RYR2: variants seen among roughly 807,000 people sequenced by gnomAD.
RYR2 encodes cardiac muscle ryanodine receptor-calcium release channel.
In RYR2, 227 loss-of-function variants were observed where a neutral mutation model predicts 601.1. The ratio of observed to expected loss-of-function variants is 0.38; its 90% confidence interval spans 0.34 to 0.42. The LOEUF (loss-of-function observed/expected upper bound fraction) is 0.42. Ranked by LOEUF, RYR2 falls within the 10% of genes least tolerant of loss-of-function variation. The pLI is 1.00. For synonymous variants in RYR2, 2,223 were observed against 2,175.1 expected, an observed-to-expected ratio of 1.02 and a Z score of -0.61; for missense variants, 4,646 against 6,156.5, an observed-to-expected ratio of 0.75 and a Z score of 8.21.
At chr1:237,709,880 A>G (rs571799177) in intron 70 of RYR2, among the ~76,000 whole-genome samples, 1 of 152,302 alleles carries the variant, frequency 6.6e-6, no homozygotes, top group Admixed American at 6.5e-5. Flanking sequence ...TGCAGTTCTC[A>G]GTTTGAGACG....
At chr1:237,745,317 A>G (rs12095647) in intron 80 of RYR2, among the ~76,000 whole-genome samples, 208 of 152,310 alleles carry the variant, frequency 1.4e-3, no homozygotes, top group African/African-American at 4.7e-3. Context: ...AGAATTTGGT[A>G]GATTTTGATT....
At chr1:237,654,048 G>A (rs936943782) in intron 51 of RYR2, among the ~76,000 whole-genome samples, 2 of 152,026 alleles carry the variant, frequency 1.3e-5, no homozygotes, top group Middle Eastern at 3.2e-3. Flanking sequence ...ACACACCCAG[G>A]AACAATACTT....
chr1:237,127,270 A>G (rs1241289620), intron 1 of RYR2, among the ~76,000 whole-genome samples: 1 of 151,992 alleles, frequency 6.6e-6, no homozygotes, highest in Non-Finnish European at 1.5e-5. Flanking sequence ...CGCCATTGTC[A>G]TCCTGGCCCG....
intron 1 of RYR2, among the ~76,000 whole-genome samples, chr1:237,245,808 G>A (rs528508791): frequency 1.3e-5 from 2 of 152,300 alleles, no homozygotes; most frequent in East Asian, 3.9e-4. Flanking sequence ...TTGAGACAGA[G>A]TCTCGTTCTG....
intron 79 of RYR2, among the ~76,000 whole-genome samples, chr1:237,741,726 C>T (rs937588696): frequency 6.6e-6 from 1 of 152,048 alleles, no homozygotes; most frequent in African/African-American, 2.4e-5. Context: ...CTCAGCCTCC[C>T]GAGTAGCTGG....
At chr1:237,519,684 A>T (rs913451261) in intron 24 of RYR2, among the ~76,000 whole-genome samples, 1 of 152,160 alleles carries the variant, frequency 6.6e-6, no homozygotes, top group African/African-American at 2.4e-5. Flanking sequence ...TGGTTACTAT[A>T]GCCTTATAAT....
chr1:237,141,561 C>G (rs1481025709), intron 1 of RYR2, among the ~76,000 whole-genome samples: 3 of 152,284 alleles, frequency 2.0e-5, no homozygotes, highest in African/African-American at 7.2e-5. Flanking sequence ...AATGCCTCCC[C>G]TGGTTCCCCA....
intron 2 of RYR2, among the ~76,000 whole-genome samples, chr1:237,279,018 C>A (rs1040566917): frequency 5.9e-5 from 9 of 152,156 alleles, no homozygotes; most frequent in Middle Eastern, 3.4e-3. Flanking sequence ...TGGTTACAGT[C>A]AGTATATTTA....
chr1:237,050,120 C>T (rs1661070963), intron 1 of RYR2, among the ~76,000 whole-genome samples: 1 of 152,042 alleles, frequency 6.6e-6, no homozygotes, highest in Non-Finnish European at 1.5e-5. Context: ...TGTTCGTTAC[C>T]CAAGTAGGGG....
intron 2 of RYR2, among the ~76,000 whole-genome samples, chr1:237,287,848 G>A (rs1691732358): frequency 6.6e-6 from 1 of 152,074 alleles, no homozygotes; most frequent in Admixed American, 6.6e-5. Context: ...AGCCATTGGT[G>A]GTGAACTAAT....
chr1:237,492,932 T>C, intron 18 of RYR2, 22 bp from the exon 19 acceptor site: 1 of 1,550,004 alleles, frequency 6.5e-7, no homozygotes, highest in Non-Finnish European at 8.7e-7. Context: ...GAGGATCAGC[T>C]GAAAGTAATT....
intron 16 of RYR2, 28 bp downstream of exon 16, chr1:237,456,763 A>C (rs548858844): frequency 6.2e-7 from 1 of 1,611,440 alleles, no homozygotes; most frequent in African/African-American, 1.3e-5. Flanking sequence ...GTTCATAGCA[A>C]CAGAGTTATC....
chr1:237,514,991 G>A (rs374571882), intron 24 of RYR2, among the ~76,000 whole-genome samples: 1 of 152,152 alleles, frequency 6.6e-6, no homozygotes, highest in Non-Finnish European at 1.5e-5. Flanking sequence ...AATTATTCCA[G>A]AATATCCCTT....
chr1:237,083,510 C>G (rs181349193), intron 1 of RYR2, among the ~76,000 whole-genome samples: 2 of 152,212 alleles, frequency 1.3e-5, no homozygotes, highest in African/African-American at 2.4e-5. Flanking sequence ...AGTCATCTCT[C>G]CTCTCTGCTT....
chr1:237,661,363 GGA>G (rs1683775929), intron 56 of RYR2, among the ~76,000 whole-genome samples: 2 of 152,056 alleles, frequency 1.3e-5, no homozygotes, highest in East Asian at 3.9e-4. Context: ...GGGGGCTAGG[GGA>G]GGGATAGCAT....
chr1:237,650,062 G>C lies in RYR2; in HGVS notation c.7698G>C (p.Arg2566=), dbSNP rs759961213. 1 of 1,613,944 alleles carries C rather than the reference G, an allele frequency of 6.2e-7. No homozygotes were observed. Among genetic ancestry groups the C allele is most frequent in the East Asian group, 2.2e-5 (1 of 44,886 alleles). The part of the protein sequence containing the change: ...SKGCSLTKAQ[R]DSIEVCLLSI... ...GCTGTTCACTTACCAAAGCTCAGCG[G>C]GATTCCATAGAAGTTTGTTTACTCT... The change falls in exon 50 of 105, where the codon CGG becomes CGC. Residue 2566 remains arginine, a synonymous_variant. Transcript: ENST00000366574.
chr1:237,807,407 G>C (rs1177826688), intron 99 of RYR2, among the ~76,000 whole-genome samples: 2 of 152,172 alleles, frequency 1.3e-5, no homozygotes, highest in Non-Finnish European at 2.9e-5. Flanking sequence ...CTGGAATGCG[G>C]CGGCGCGATC....
chr1:237,256,234 T>A (rs576436546), intron 1 of RYR2, among the ~76,000 whole-genome samples: 7 of 152,196 alleles, frequency 4.6e-5, no homozygotes, highest in Non-Finnish European at 7.3e-5. Flanking sequence ...CCGTGTAAGA[T>A]GTGCCTTTCG....
intron 1 of RYR2, among the ~76,000 whole-genome samples, chr1:237,204,536 G>A (rs963511505): frequency 2.0e-5 from 3 of 151,294 alleles, no homozygotes; most frequent in South Asian, 2.1e-4. Flanking sequence ...AACTAGGGTC[G>A]AATCCTGCAA....
Sources: allele counts gnomAD v4.1 joint callset (sites outside exome capture counted in the v4.1 genomes callset), GRCh38; gene constraint gnomAD v4.1.1; transcripts MANE v1.5; gene names NCBI Gene and HGNC (gene_info 2026-07-23, HGNC 2026-07-21).